EYS: variants seen among roughly 807,000 people sequenced by gnomAD.
The protein encoded by EYS is protein eyes shut homolog.
Under a neutral mutation model 282.1 loss-of-function variants are expected in EYS, and 250 were observed. The ratio of observed to expected loss-of-function variants is 0.89; its 90% CI spans 0.80 to 0.98. EYS has a LOEUF of 0.98. EYS is among the 50% of genes least tolerant of loss of function. EYS has a pLI of 0.00. For missense variants in EYS, 4,016 were observed against 3,709.0 expected, an observed-to-expected ratio of 1.08 and a Z score of -2.15; for synonymous variants, 1,355 against 1,282.9, an observed-to-expected ratio of 1.06 and a Z score of -1.20.
At chr6:65,197,123 T>C (rs904584064) in intron 12 of EYS, among the ~76,000 whole-genome samples, 2 of 152,032 alleles carry the variant, frequency 1.3e-5, no homozygotes, top group African/African-American at 4.8e-5. Flanking sequence ...TAGAGGTACA[T>C]GAGAGGCAGA....
chr6:64,421,842 G>A (rs1414448533), intron 28 of EYS, among the ~76,000 whole-genome samples: 6 of 149,476 alleles, frequency 4.0e-5, no homozygotes, highest in East Asian at 2.0e-4. Context: ...GAGAGAGAGC[G>A]CATTTTTTTG....
At chr6:64,165,752 A>ACTTC (rs780358081) in intron 31 of EYS, among the ~76,000 whole-genome samples, 30 of 152,304 alleles carry the variant, frequency 2.0e-4, no homozygotes, top group Middle Eastern at 6.8e-3. Context: ...AAAATCATGG[A>ACTTC]CTTCCATAAG....
At chr6:64,353,234 G>C (rs1006628011) in intron 29 of EYS, among the ~76,000 whole-genome samples, 1 of 151,474 alleles carries the variant, frequency 6.6e-6, no homozygotes, top group African/African-American at 2.4e-5. Context: ...TTTCTGAATA[G>C]TAGTCTGTAA....
rs536802879 is a variant in EYS, at chr6:65,414,661, G to T, written c.863-9294C>A. ...AAAAAGAATTTAAGGGAAGAAATCAGAATCACTTTTAGATATGTTAATTTC... is the reference window on the plus strand; with the variant it reads ...AAAAAGAATTTAAGGGAAGAAATCATAATCACTTTTAGATATGTTAATTTC... On this transcript the variant is annotated intron_variant, in intron 5 of 42. Coordinates refer to ENST00000503581, the MANE Select transcript of EYS (RefSeq NM_001142800.2). Among the ~76,000 whole-genome samples, 13 of 152,128 alleles carry T rather than the reference G, an allele frequency of 8.5e-5. No homozygotes were observed. The East Asian group carries it at 1.9e-3, about 23-fold the overall frequency.
intron 2 of EYS, among the ~76,000 whole-genome samples, chr6:65,604,842 CTTTT>C (rs10583844): frequency 2.7e-4 from 35 of 130,380 alleles, no homozygotes; most frequent in Non-Finnish European, 3.8e-4. Flanking sequence ...TCACTGCCCC[CTTTT>C]TTTTTTTTTT....
Position 63,777,127 on chromosome 6 carries a change from T to C in EYS, c.7898+879A>G, listed in dbSNP as rs193192636. ...GTTGAGTCAAACTATACATTTTTTT[T>C]CTCCACAAATTTTACTGTGACTAGC... On this transcript the variant is annotated intron_variant, in intron 40 of 42. Coordinates refer to ENST00000503581, the MANE Select transcript of EYS (RefSeq NM_001142800.2). Among the ~76,000 whole-genome samples, 17 of 152,332 alleles carry C rather than the reference T, an allele frequency of 1.1e-4. No individual in the cohort carries two copies. The East Asian group carries it at 2.1e-3, about 19-fold the overall frequency.
chr6:64,114,999 C>A (rs1582289107), intron 31 of EYS, among the ~76,000 whole-genome samples: 2 of 152,180 alleles, frequency 1.3e-5, no homozygotes, highest in African/African-American at 4.8e-5. Flanking sequence ...ATTGGAGCCA[C>A]TGCCAAAATG....
chr6:65,208,435 G>A (rs1022025431), intron 12 of EYS, among the ~76,000 whole-genome samples: 2 of 151,698 alleles, frequency 1.3e-5, no homozygotes, highest in African/African-American at 4.8e-5. Context: ...ATTTGATCCA[G>A]CAATATTACT....
chr6:64,824,431 A>T (rs954365449), intron 19 of EYS, among the ~76,000 whole-genome samples: 27 of 151,926 alleles, frequency 1.8e-4, no homozygotes, highest in Admixed American at 7.9e-4. Flanking sequence ...TGCATCAAAA[A>T]CAACCTAGCC....
intron 12 of EYS, among the ~76,000 whole-genome samples, chr6:65,188,889 T>C (rs1488486798): frequency 6.6e-6 from 1 of 151,614 alleles, no homozygotes; most frequent in Admixed American, 6.6e-5. Flanking sequence ...AATGCAGCCT[T>C]GCCAGTATCA....
intron 22 of EYS, among the ~76,000 whole-genome samples, chr6:64,763,748 A>G (rs574375254): frequency 3.3e-5 from 5 of 152,196 alleles, no homozygotes; most frequent in Admixed American, 6.5e-5. Flanking sequence ...CCTATAAAAT[A>G]AAAAACAAGT....
At chr6:64,422,501 G>T (rs980061757) in intron 28 of EYS, among the ~76,000 whole-genome samples, 14 of 152,094 alleles carry the variant, frequency 9.2e-5, no homozygotes, top group African/African-American at 3.1e-4. Context: ...TATGGTACTT[G>T]GTCAATTGGA....
At chr6:65,573,843 T>C (rs538986964) in intron 2 of EYS, among the ~76,000 whole-genome samples, 2 of 152,308 alleles carry the variant, frequency 1.3e-5, no homozygotes, top group East Asian at 3.9e-4. Flanking sequence ...AACTATTTCA[T>C]GAGTATACTG....
chr6:65,360,559 A>G (rs1202536655), intron 8 of EYS, among the ~76,000 whole-genome samples: 1 of 152,102 alleles, frequency 6.6e-6, no homozygotes, highest in African/African-American at 2.4e-5. Flanking sequence ...ATATAAGATC[A>G]TTTTCTGGTC....
intron 26 of EYS, among the ~76,000 whole-genome samples, chr6:64,582,850 A>C (rs956577278): frequency 1.3e-5 from 2 of 152,070 alleles, no homozygotes; most frequent in Non-Finnish European, 2.9e-5. Context: ...CGGGGCTTTC[A>C]TTTGTTAGGA....
At chr6:64,314,449 G>A (rs899329590) in intron 29 of EYS, among the ~76,000 whole-genome samples, 7 of 152,112 alleles carry the variant, frequency 4.6e-5, no homozygotes, top group African/African-American at 1.2e-4. Context: ...ACTTTAACAC[G>A]CCACTGTCAA....
At chr6:65,227,158 C>CA (rs76953241) in intron 12 of EYS, among the ~76,000 whole-genome samples, 4,801 of 92,038 alleles carry the variant, frequency 0.052, 137 homozygotes, top group African/African-American at 0.1. Context: ...CAACAACAAC[C>CA]AAAAAAAAAA....
chr6:65,426,685 G>A (rs1182991891), intron 5 of EYS, among the ~76,000 whole-genome samples: 1 of 151,908 alleles, frequency 6.6e-6, no homozygotes, highest in Non-Finnish European at 1.5e-5. Flanking sequence ...TAAATCGTAG[G>A]GTTGTGAGAC....
Position 64,590,468 on chromosome 6 carries a change from G to A in EYS, c.5399C>T (p.Pro1800Leu). ...NVAFYTVSATPALSIQTSSSM... is the reference protein window; with the variant it reads ...NVAFYTVSATLALSIQTSSSM... Reference sequence around the variant, plus strand: ...GGAAGACGTCTGTATTGAAAGTGCTGGAGTTGCTGAAACTGTATAAAATGC... The same window carrying A: ...GGAAGACGTCTGTATTGAAAGTGCTAGAGTTGCTGAAACTGTATAAAATGC... The change falls in exon 26 of 43, where the codon CCA becomes CTA. Residue 1800 changes from proline to leucine, a missense_variant. By Grantham distance (98) the Pro-to-Leu change is moderately conservative (BLOSUM62 -3). Transcript: ENST00000503581. 1 of 1,551,348 alleles carries A rather than the reference G, an allele frequency of 6.4e-7. No homozygotes were observed. The highest frequency in any genetic ancestry group is 8.7e-7 in the Non-Finnish European group (1 of 1,146,752).
Sources: allele counts gnomAD v4.1 joint callset (sites outside exome capture counted in the v4.1 genomes callset), GRCh38; gene constraint gnomAD v4.1.1; transcripts MANE v1.5; gene names NCBI Gene and HGNC (gene_info 2026-07-23, HGNC 2026-07-21).